Variants in NKAIN3 observed in about 807,000 individuals in gnomAD.
NKAIN3 encodes the protein sodium/potassium transporting ATPase interacting 3.
In NKAIN3, 25 loss-of-function variants were observed where a neutral mutation model predicts 30.2. The observed-to-expected ratio is 0.83, with a 90% CI of 0.60 to 1.16. NKAIN3 has a LOEUF of 1.16. Among genes scored for constraint, NKAIN3 ranks in the 50% most tolerant of loss-of-function variants. The pLI is 0.00. For missense variants in NKAIN3, 225 were observed against 254.1 expected, an observed-to-expected ratio of 0.89 and a Z score of 0.78; for synonymous variants, 91 against 89.6, an observed-to-expected ratio of 1.02 and a Z score of -0.09.
intron 1 of NKAIN3, among the ~76,000 whole-genome samples, chr8:62,271,321 G>A (rs896331367): frequency 6.6e-6 from 1 of 152,158 alleles, no homozygotes; most frequent in Non-Finnish European, 1.5e-5. Flanking sequence ...TTAAGCACAA[G>A]ATTTGTAGGT....
At chr8:62,262,697 G>A (rs1812482092) in intron 1 of NKAIN3, among the ~76,000 whole-genome samples, 1 of 152,088 alleles carries the variant, frequency 6.6e-6, no homozygotes, top group Non-Finnish European at 1.5e-5. Context: ...CACAGATGGA[G>A]TTGTCCTTAG....
chr8:62,912,226 T>G (rs1586339067), intron 4 of NKAIN3, among the ~76,000 whole-genome samples: 1 of 152,060 alleles, frequency 6.6e-6, no homozygotes, highest in South Asian at 2.1e-4. Context: ...CACATAAAAG[T>G]TAATAAGCCT....
chr8:62,564,667 A>G (rs1809692954), intron 1 of NKAIN3, among the ~76,000 whole-genome samples: 1 of 152,164 alleles, frequency 6.6e-6, no homozygotes, highest in South Asian at 2.1e-4. Flanking sequence ...ATAATCAAAT[A>G]TAATAAAATA....
intron 4 of NKAIN3, among the ~76,000 whole-genome samples, chr8:62,786,411 A>C (rs1435679511): frequency 6.6e-6 from 1 of 152,010 alleles, no homozygotes; most frequent in African/African-American, 2.4e-5. Flanking sequence ...TTCCAGTAAA[A>C]CCCTGCCCCA....
chr8:62,740,414 A>G (rs1019829086), intron 3 of NKAIN3, among the ~76,000 whole-genome samples: 2 of 152,192 alleles, frequency 1.3e-5, no homozygotes, highest in Non-Finnish European at 2.9e-5. Context: ...GTAGATGGCT[A>G]TATAAAAATG....
intron 1 of NKAIN3, among the ~76,000 whole-genome samples, chr8:62,333,705 T>C (rs182516109): frequency 8.5e-4 from 129 of 152,240 alleles, no homozygotes; most frequent in African/African-American, 3.0e-3. Flanking sequence ...TCTGTAGTAT[T>C]GATAGGATAT....
At chr8:62,524,937 A>C (rs1014610013) in intron 1 of NKAIN3, among the ~76,000 whole-genome samples, 8 of 152,106 alleles carry the variant, frequency 5.3e-5, no homozygotes, top group Non-Finnish European at 1.2e-4. Context: ...ATTGCACATC[A>C]AGATTGATTT....
intron 1 of NKAIN3, among the ~76,000 whole-genome samples, chr8:62,469,726 T>C (rs1806272889): frequency 6.6e-6 from 1 of 152,166 alleles, no homozygotes; most frequent in Non-Finnish European, 1.5e-5. Context: ...GAAACCTTCA[T>C]CACCTAATTT....
Position 62,965,478 on chromosome 8 carries a change from T to C in NKAIN3, c.*71T>C, listed in dbSNP as rs1563648439. The C allele has an allele frequency of 1.0e-6, 1 of 985,676 alleles. No homozygotes were observed. Among genetic ancestry groups the C allele is most frequent in the Non-Finnish European group, 1.2e-6 (1 of 829,934 alleles). 61.1% of individuals were successfully genotyped at this position (985,676 alleles called of 1,614,324 possible). ...CTGACATTCCTTCCAGAGGCTAGAC[T>C]GTGCTTCCTGGCTTTCCCACGAATC... is the stretch of plus-strand genomic sequence containing the variant. On this transcript the variant is annotated 3_prime_UTR_variant, in exon 7 of 7. Transcript: ENST00000623646.
chr8:62,916,947 C>A (rs1822124732), intron 4 of NKAIN3, among the ~76,000 whole-genome samples: 1 of 151,916 alleles, frequency 6.6e-6, no homozygotes, highest in Admixed American at 6.6e-5. Flanking sequence ...CCACCCCACC[C>A]CCCTTTAGGA....
intron 1 of NKAIN3, among the ~76,000 whole-genome samples, chr8:62,475,706 A>T (rs1387181785): frequency 6.6e-6 from 1 of 152,206 alleles, no homozygotes; most frequent in Non-Finnish European, 1.5e-5. Flanking sequence ...GAGAATACTA[A>T]AGTTTAATAG....
At chr8:62,772,378 G>A (rs1165154209) in intron 4 of NKAIN3, among the ~76,000 whole-genome samples, 1 of 152,130 alleles carries the variant, frequency 6.6e-6, no homozygotes, top group Non-Finnish European at 1.5e-5. Flanking sequence ...TGGGAGTGTA[G>A]ATATCTTTTG....
intron 1 of NKAIN3, among the ~76,000 whole-genome samples, chr8:62,335,850 G>C (rs1032429839): frequency 6.6e-6 from 1 of 151,970 alleles, no homozygotes; most frequent in Non-Finnish European, 1.5e-5. Flanking sequence ...CAATCCATCA[G>C]AGAAAAGCCA....
At chr8:62,755,967 G>T (rs1371564691) in intron 4 of NKAIN3, among the ~76,000 whole-genome samples, 3 of 152,178 alleles carry the variant, frequency 2.0e-5, no homozygotes, top group African/African-American at 4.8e-5. Flanking sequence ...CAGTCAAATT[G>T]TTGGGGCCTG....
chr8:62,276,220 C>G (rs1397074464), intron 1 of NKAIN3, among the ~76,000 whole-genome samples: 2 of 152,108 alleles, frequency 1.3e-5, no homozygotes, highest in African/African-American at 2.4e-5. Flanking sequence ...CCTGTGTCAC[C>G]ACACCCAGCT....
chr8:62,503,104 G>A (rs576265000), intron 1 of NKAIN3, among the ~76,000 whole-genome samples: 5 of 152,094 alleles, frequency 3.3e-5, no homozygotes, highest in African/African-American at 9.7e-5. Context: ...GATTCTTATC[G>A]GGGGAACCCA....
chr8:62,946,876 CT>C (rs1397018050), intron 5 of NKAIN3, among the ~76,000 whole-genome samples: 1 of 152,170 alleles, frequency 6.6e-6, no homozygotes, highest in Non-Finnish European at 1.5e-5. Context: ...GGGATCTGTG[CT>C]CCTAAACTCA....
chr8:62,420,716 A>C (rs911070054), intron 1 of NKAIN3, among the ~76,000 whole-genome samples: 1 of 152,200 alleles, frequency 6.6e-6, no homozygotes, highest in African/African-American at 2.4e-5. Context: ...GATTAACCAA[A>C]TTTCAAGAAG....
chr8:62,434,222 C>T (rs187925406), intron 1 of NKAIN3, among the ~76,000 whole-genome samples: 52 of 152,214 alleles, frequency 3.4e-4, no homozygotes, highest in African/African-American at 1.2e-3. Flanking sequence ...AGTTGTCCTT[C>T]GGGAGGTAGC....
Sources: allele counts gnomAD v4.1 joint callset (sites outside exome capture counted in the v4.1 genomes callset), GRCh38; gene constraint gnomAD v4.1.1; transcripts MANE v1.5; gene names NCBI Gene and HGNC (gene_info 2026-07-23, HGNC 2026-07-21).